Variants in RXFP1 observed in about 807,000 individuals in gnomAD.
RXFP1 encodes relaxin family peptide receptor 1.
A neutral mutation model predicts 89.8 loss-of-function variants in RXFP1; 73 were observed. That is an observed-to-expected ratio of 0.81 (90% confidence interval 0.67 to 0.99). The LOEUF is 0.99. Ranked by LOEUF, RXFP1 falls within the 50% of genes least tolerant of loss-of-function variation. The pLI is 0.00. For missense variants in RXFP1, 793 were observed against 895.5 expected (o/e 0.89, Z 1.46); for synonymous variants, 277 against 305.5 (o/e 0.91, Z 0.97).
chr4:158,522,268 A>T (rs1324887945), intron 1 of RXFP1, among the ~76,000 whole-genome samples: 1 of 152,206 alleles, frequency 6.6e-6, no homozygotes, highest in Non-Finnish European at 1.5e-5. Flanking sequence ...GCTTCATAAT[A>T]ACCAATTCAT....
chr4:158,617,921 G>A (rs1764906183), intron 9 of RXFP1, among the ~76,000 whole-genome samples: 1 of 152,082 alleles, frequency 6.6e-6, no homozygotes, highest in African/African-American at 2.4e-5. Flanking sequence ...AAAAGGAAGA[G>A]GAAAAGTTAG....
intron 1 of RXFP1, among the ~76,000 whole-genome samples, chr4:158,567,999 T>C (rs943910019): frequency 6.6e-6 from 1 of 152,182 alleles, no homozygotes; most frequent in Non-Finnish European, 1.5e-5. Flanking sequence ...CACTCACCTC[T>C]AAGGTATAAA....
At chr4:158,644,519 C>G (rs1372808489) in intron 14 of RXFP1, among the ~76,000 whole-genome samples, 1 of 152,038 alleles carries the variant, frequency 6.6e-6, no homozygotes, top group Admixed American at 6.6e-5. Context: ...TTAACTCTTC[C>G]CCTGAGGGAT....
At chr4:158,616,494 GA>G (rs1306520978) in intron 8 of RXFP1, among the ~76,000 whole-genome samples, 3 of 145,518 alleles carry the variant, frequency 2.1e-5, no homozygotes, top group Non-Finnish European at 3.0e-5. Flanking sequence ...TCTTGGTAAA[GA>G]AAAAAAATGC....
rs771973207 is a variant in RXFP1, at chr4:158,646,793, G to T, written c.1348G>T (p.Ala450Ser). ...YAMSIISLCC[A>S]DCLMGIYLFV... ...TTGTGAAACTATGACTCCTCTAGGT[G>T]CCGACTGCTTAATGGGAATATATTT... is the stretch of plus-strand genomic sequence containing the variant. The change falls in exon 16 of 18, where the codon GCC becomes TCC. Residue 450 changes from alanine (A) to serine (S), a missense_variant and splice_region_variant. By Grantham distance (99) the Ala-to-Ser change is moderately conservative. Transcript: ENST00000307765. 4.4e-6 allele frequency: 7 copies of T among 1,596,316 alleles called. No individual in the cohort carries two copies. The highest frequency in any genetic ancestry group is 3.4e-5 in the South Asian group (3 of 88,842).
chr4:158,582,056 C>T (rs1190629864), intron 2 of RXFP1, among the ~76,000 whole-genome samples: 1 of 152,126 alleles, frequency 6.6e-6, no homozygotes, highest in Non-Finnish European at 1.5e-5. Context: ...CCTCAAGGGA[C>T]AGCATTAATC....
chr4:158,562,658 T>C (rs1360670157), intron 1 of RXFP1, among the ~76,000 whole-genome samples: 1 of 151,134 alleles, frequency 6.6e-6, no homozygotes, highest in Non-Finnish European at 1.5e-5. Context: ...TACCAGGATA[T>C]ATATCTTGAG....
At chr4:158,553,061 A>T (rs1234572484) in intron 1 of RXFP1, among the ~76,000 whole-genome samples, 1 of 152,028 alleles carries the variant, frequency 6.6e-6, no homozygotes, top group Non-Finnish European at 1.5e-5. Flanking sequence ...TGGTGGAATG[A>T]TGCTGAAGTC....
At chr4:158,572,999 C>G in intron 2 of RXFP1, 164 bp downstream of exon 2, 1 of 1,059,554 alleles carries the variant, frequency 9.4e-7, no homozygotes, top group Non-Finnish European at 1.3e-6. Context: ...AATATCCACT[C>G]TTTTCTTTTC....
At chr4:158,629,609 T>TG (rs988396322) in intron 11 of RXFP1, among the ~76,000 whole-genome samples, 1 of 95,742 alleles carries the variant, frequency 1.0e-5, no homozygotes, top group African/African-American at 8.2e-5. Flanking sequence ...TTAGTGTCAA[T>TG]TTTTTTCTTT....
chr4:158,622,080 G>T (rs1765724366), intron 9 of RXFP1, among the ~76,000 whole-genome samples: 1 of 152,226 alleles, frequency 6.6e-6, no homozygotes. Flanking sequence ...GGTGGCAGAG[G>T]TGGGTGGATC....
intron 15 of RXFP1, among the ~76,000 whole-genome samples, chr4:158,645,432 A>G (rs189260391): frequency 1.3e-4 from 20 of 152,280 alleles, no homozygotes; most frequent in African/African-American, 4.8e-4. Flanking sequence ...CGCATCTAAA[A>G]TCTTTTACTA....
At chr4:158,631,442 G>A (rs901979341) in intron 11 of RXFP1, among the ~76,000 whole-genome samples, 6 of 152,166 alleles carry the variant, frequency 3.9e-5, no homozygotes, top group African/African-American at 7.2e-5. Flanking sequence ...AATAGATATC[G>A]TTCTTGTACT....
rs6846122 is a variant in RXFP1, at chr4:158,643,502, T to A, written c.1116-1407T>A. On this transcript the variant is annotated intron_variant, in intron 14 of 17. Coordinates refer to ENST00000307765, the MANE Select transcript of RXFP1 (RefSeq NM_021634.4). ...TTTTTTTTTTTGGAGACAGAGTCTCTCTTTGTCACCCAGGCTGGAGTGCAG... is the reference window on the plus strand; with the variant it reads ...TTTTTTTTTTTGGAGACAGAGTCTCACTTTGTCACCCAGGCTGGAGTGCAG... 3.2e-3 allele frequency among the ~76,000 whole-genome samples: 437 copies of A among 136,838 alleles called. 4 individuals carry two copies. Among genetic ancestry groups the A allele is most frequent in the Admixed American group, 8.1e-3 (106 of 13,128 alleles). 89.8% of individuals were successfully genotyped at this position (136,838 alleles called of 152,430 possible). A position where few individuals can be genotyped will look rare whatever the true frequency, so the allele number is the denominator to read the frequency against.
chr4:158,605,178 G>A, intron 5 of RXFP1, 39 bp downstream of exon 5: 4 of 1,290,114 alleles, frequency 3.1e-6, no homozygotes, highest in African/African-American at 2.9e-5. Flanking sequence ...CAATTAACTA[G>A]CATTTTTGGC....
At chr4:158,637,687 C>T (rs1769467993) in intron 12 of RXFP1, among the ~76,000 whole-genome samples, 1 of 152,142 alleles carries the variant, frequency 6.6e-6, no homozygotes, top group Non-Finnish European at 1.5e-5. Flanking sequence ...CACAGGTTGT[C>T]TCCTCACTCT....
chr4:158,564,320 C>T (rs1401222298), intron 1 of RXFP1, among the ~76,000 whole-genome samples: 1 of 152,092 alleles, frequency 6.6e-6, no homozygotes, highest in East Asian at 1.9e-4. Flanking sequence ...ATATACAATC[C>T]CTACTGTCTT....
At chr4:158,548,911 A>C (rs1048129426) in intron 1 of RXFP1, among the ~76,000 whole-genome samples, 2 of 151,876 alleles carry the variant, frequency 1.3e-5, no homozygotes, top group Non-Finnish European at 2.9e-5. Context: ...ACTTTGGTGA[A>C]TCTGAAAATT....
chr4:158,611,968 G>C (rs886071842), intron 6 of RXFP1, among the ~76,000 whole-genome samples, 162 bp from the exon 7 acceptor site: 1 of 152,206 alleles, frequency 6.6e-6, no homozygotes, highest in Admixed American at 6.5e-5. Flanking sequence ...AACTAGGTAT[G>C]ATAAGGTAAG....
Sources: allele counts gnomAD v4.1 joint callset (sites outside exome capture counted in the v4.1 genomes callset), GRCh38; gene constraint gnomAD v4.1.1; transcripts MANE v1.5; gene names NCBI Gene and HGNC (gene_info 2026-07-23, HGNC 2026-07-21).